RBMS3: variants seen among roughly 807,000 people sequenced by gnomAD.
RBMS3 encodes the protein RNA binding motif single stranded interacting protein 3, also known as RNA-binding motif, single-stranded-interacting protein 3.
RBMS3 carries 27 observed loss-of-function variants against 66.8 expected under a neutral mutation model. The observed-to-expected ratio is 0.40, with a 90% CI of 0.30 to 0.56. The LOEUF is 0.56. Among genes scored for constraint, RBMS3 ranks in the 20% least tolerant of loss-of-function variants. The pLI, the probability that RBMS3 is intolerant of heterozygous loss-of-function variation, is 0.40. For synonymous variants in RBMS3, 188 were observed against 183.0 expected (o/e 1.03, Z -0.22); for missense variants, 513 against 549.5 (o/e 0.93, Z 0.66).
intron 3 of RBMS3, among the ~76,000 whole-genome samples, chr3:29,525,872 T>C (rs2045073585): frequency 6.6e-6 from 1 of 152,172 alleles, no homozygotes; most frequent in Admixed American, 6.5e-5. Context: ...TATCATTATC[T>C]CAGTGCTTAT....
chr3:29,792,532 T>C (rs1234951626), intron 6 of RBMS3, among the ~76,000 whole-genome samples: 1 of 152,184 alleles, frequency 6.6e-6, no homozygotes, highest in Non-Finnish European at 1.5e-5. Context: ...GGAGCCAGAC[T>C]ATCTAGATCA....
intron 1 of RBMS3, among the ~76,000 whole-genome samples, chr3:29,377,352 C>T (rs1033041279): frequency 1.3e-5 from 2 of 152,076 alleles, no homozygotes; most frequent in Non-Finnish European, 2.9e-5. Flanking sequence ...TCGGGTGAGG[C>T]CTGCATGTTG....
chr3:29,395,075 G>C (rs2039484645), intron 1 of RBMS3, among the ~76,000 whole-genome samples: 1 of 152,134 alleles, frequency 6.6e-6, no homozygotes, highest in Non-Finnish European at 1.5e-5. Context: ...TGTATGCTGG[G>C]TTGGGGGGGT....
intron 1 of RBMS3, among the ~76,000 whole-genome samples, chr3:29,364,731 A>G (rs2037799129): frequency 6.6e-6 from 1 of 152,202 alleles, no homozygotes; most frequent in Non-Finnish European, 1.5e-5. Context: ...TGAGAGTCTC[A>G]TGCTGTGAAA....
intron 6 of RBMS3, among the ~76,000 whole-genome samples, chr3:29,778,803 A>G (rs1367288193): frequency 1.3e-5 from 2 of 151,928 alleles, no homozygotes; most frequent in Non-Finnish European, 2.9e-5. Context: ...TAAACTACAT[A>G]GAGCAATTGG....
At chr3:29,722,380 G>A (rs767169973) in intron 4 of RBMS3, among the ~76,000 whole-genome samples, 4 of 151,750 alleles carry the variant, frequency 2.6e-5, no homozygotes, top group African/African-American at 7.3e-5. Context: ...TGATGCCCTC[G>A]TATCCATAAA....
intron 12 of RBMS3, among the ~76,000 whole-genome samples, chr3:29,984,182 T>C (rs866100518): frequency 6.6e-6 from 1 of 152,056 alleles, no homozygotes; most frequent in Non-Finnish European, 1.5e-5. Flanking sequence ...TCTCATATCC[T>C]TTCTTCCACT....
intron 4 of RBMS3, among the ~76,000 whole-genome samples, chr3:29,621,749 C>T (rs1014343641): frequency 5.4e-5 from 8 of 149,234 alleles, no homozygotes; most frequent in South Asian, 2.1e-4. Flanking sequence ...AATGTATGCA[C>T]AATGCCATTT....
chr3:29,588,774 G>A (rs1183701096), intron 4 of RBMS3, among the ~76,000 whole-genome samples: 1 of 151,922 alleles, frequency 6.6e-6, no homozygotes, highest in Admixed American at 6.6e-5. Flanking sequence ...TTGGTTTAAA[G>A]GTTACTTGGC....
intron 2 of RBMS3, among the ~76,000 whole-genome samples, chr3:29,476,531 T>C (rs1013663216): frequency 6.6e-6 from 1 of 152,210 alleles, no homozygotes; most frequent in Non-Finnish European, 1.5e-5. Context: ...CTAGTATAGT[T>C]CCACAAGGAT....
chr3:29,789,665 A>G (rs973680518), intron 6 of RBMS3, among the ~76,000 whole-genome samples: 1 of 152,112 alleles, frequency 6.6e-6, no homozygotes, highest in African/African-American at 2.4e-5. Flanking sequence ...CATTCCCACC[A>G]CCACCCATCA....
At chr3:29,492,506 A>G (rs971607743) in intron 3 of RBMS3, among the ~76,000 whole-genome samples, 7 of 152,238 alleles carry the variant, frequency 4.6e-5, no homozygotes, top group African/African-American at 1.7e-4. Context: ...GAGTTGTATT[A>G]GAAAAAGTGA....
chr3:29,772,508 A>T (rs886365059), intron 6 of RBMS3, among the ~76,000 whole-genome samples: 14 of 152,032 alleles, frequency 9.2e-5, no homozygotes, highest in African/African-American at 3.4e-4. Context: ...GCACAGTAAG[A>T]GTTTTTTTCA....
intron 1 of RBMS3, among the ~76,000 whole-genome samples, chr3:29,286,380 A>G (rs1223289769): frequency 6.6e-6 from 1 of 151,862 alleles, no homozygotes; most frequent in East Asian, 1.9e-4. Context: ...TTTTTTTTCC[A>G]TGATATAGAC....
At chr3:29,308,705 T>C (rs1319472735) in intron 1 of RBMS3, among the ~76,000 whole-genome samples, 9 of 142,162 alleles carry the variant, frequency 6.3e-5, no homozygotes, top group African/African-American at 2.1e-4. Context: ...GTTGGAAATA[T>C]ATGTGCCTGA....
At chr3:29,875,064 A>C (rs762221956) in intron 7 of RBMS3, among the ~76,000 whole-genome samples, 7 of 152,166 alleles carry the variant, frequency 4.6e-5, no homozygotes, top group Non-Finnish European at 8.8e-5. Flanking sequence ...CAAGTGGAAA[A>C]GTTGGCAGGA....
At chr3:29,385,356 C>A (rs1276620481) in intron 1 of RBMS3, among the ~76,000 whole-genome samples, 1 of 152,110 alleles carries the variant, frequency 6.6e-6, no homozygotes, top group African/African-American at 2.4e-5. Flanking sequence ...CAACCAATCC[C>A]TTCCCTTGGG....
chr3:29,831,017 T>C (rs2058357153), intron 6 of RBMS3, among the ~76,000 whole-genome samples: 1 of 152,164 alleles, frequency 6.6e-6, no homozygotes, highest in Non-Finnish European at 1.5e-5. Flanking sequence ...TGCAATGACC[T>C]TGTACCAATA....
At chr3:29,918,016 A>C (rs2149647841) in intron 10 of RBMS3, among the ~76,000 whole-genome samples, 1 of 152,296 alleles carries the variant, frequency 6.6e-6, no homozygotes, top group East Asian at 1.9e-4. Flanking sequence ...TAACAGGATA[A>C]TGTATTTATG....
Sources: gnomAD v4.1 joint callset for allele counts (sites outside exome capture counted in the v4.1 genomes callset) on GRCh38, gnomAD v4.1.1 for gene constraint, MANE v1.5 for transcripts, NCBI Gene and HGNC (gene_info 2026-07-23, HGNC 2026-07-21) for gene names.